The following PINX1 variants were observed in gnomAD, a reference collection of about 807,000 sequenced individuals.
The protein encoded by PINX1 is PIN2 (TERF1) interacting telomerase inhibitor 1.
PINX1 carries 34 observed loss-of-function variants against 25.4 expected under a neutral mutation model. The ratio of observed to expected loss-of-function variants is 1.34; its 90% CI spans 1.02 to 1.78. The LOEUF (loss-of-function observed/expected upper bound fraction) is 1.78. PINX1 is among the 40% of genes most tolerant of loss of function. The pLI is 0.00. For missense variants in PINX1, 592 were observed against 404.9 expected, an observed-to-expected ratio of 1.46 and a Z score of -3.97; for synonymous variants, 197 against 147.7, an observed-to-expected ratio of 1.33 and a Z score of -2.42.
chr8:10,826,505 G>T (rs1348206457), intron 4 of PINX1, among the ~76,000 whole-genome samples: 1 of 152,196 alleles, frequency 6.6e-6, no homozygotes, highest in East Asian at 1.9e-4. Flanking sequence ...AATCCTTGAG[G>T]AAGAAATGGA....
intron 6 of PINX1, among the ~76,000 whole-genome samples, chr8:10,819,483 T>C (rs1485989602): frequency 6.6e-6 from 1 of 152,242 alleles, no homozygotes; most frequent in East Asian, 1.9e-4. Flanking sequence ...TAAATACTTT[T>C]AGCCTGTTAT....
intron 6 of PINX1, among the ~76,000 whole-genome samples, chr8:10,789,599 C>T (rs1469304301): frequency 1.3e-5 from 2 of 152,202 alleles, no homozygotes; most frequent in Admixed American, 6.5e-5. Flanking sequence ...AGAGGAGTAG[C>T]ATTTTAGGAA....
At chr8:10,812,426 C>T (rs138245536) in intron 6 of PINX1, among the ~76,000 whole-genome samples, 2 of 152,282 alleles carry the variant, frequency 1.3e-5, no homozygotes, top group East Asian at 3.9e-4. Flanking sequence ...GGCTTGAATG[C>T]ATTTAGCTGG....
At chr8:10,836,334 T>G (rs1372949880) in intron 1 of PINX1, among the ~76,000 whole-genome samples, 4 of 152,180 alleles carry the variant, frequency 2.6e-5, no homozygotes, top group Non-Finnish European at 4.4e-5. Context: ...CCACTTTACT[T>G]ATCTTGGCAA....
chr8:10,796,216 A>C (rs1441655669), intron 6 of PINX1, among the ~76,000 whole-genome samples: 1 of 152,158 alleles, frequency 6.6e-6, no homozygotes, highest in East Asian at 1.9e-4. Context: ...CTTCCAAGGG[A>C]CTGTGAGCAA....
Position 10,766,014 on chromosome 8 carries a change from CCACACCCGGCGCT to C in PINX1, c.472-111_472-99del, listed in dbSNP as rs1563197754. On this transcript the variant is annotated intron_variant, in intron 6 of 6. Coordinates refer to ENST00000314787, the MANE Select transcript of PINX1 (RefSeq NM_017884.6). ...CACACCCGGCGCTCACACCTGGCAC[CCACACCCGGCGCT>C]CACACCCGGCACCCACACCCGGCAC... 1.1e-5 allele frequency: 13 copies of C among 1,193,662 alleles called. No individual in the cohort carries two copies. The Admixed American group carries it at 1.2e-4, about 11-fold the overall frequency. 73.9% of individuals were successfully genotyped at this position (1,193,662 alleles called of 1,614,324 possible). A position where few individuals can be genotyped will look rare whatever the true frequency, so the allele number is the denominator to read the frequency against.
intron 1 of PINX1, among the ~76,000 whole-genome samples, chr8:10,836,819 C>G (rs548563571): frequency 1.1e-4 from 16 of 152,312 alleles, no homozygotes; most frequent in African/African-American, 3.8e-4. Context: ...CAGAGCAGGC[C>G]TGCCATGCTT....
chr8:10,766,238 T>C (rs984886401), intron 6 of PINX1, among the ~76,000 whole-genome samples: 1 of 152,200 alleles, frequency 6.6e-6, no homozygotes, highest in Non-Finnish European at 1.5e-5. Context: ...TGAGTAAATG[T>C]CTCCCTAGAA....
chr8:10,785,927 G>A (rs148453282), intron 6 of PINX1, among the ~76,000 whole-genome samples: 1 of 152,170 alleles, frequency 6.6e-6, no homozygotes. Flanking sequence ...TCAAATTAAA[G>A]ATGGAAGGAT....
intron 2 of PINX1, among the ~76,000 whole-genome samples, 158 bp from the exon 3 acceptor site, chr8:10,833,142 G>C (rs1798277061): frequency 1.3e-5 from 2 of 152,190 alleles, no homozygotes; most frequent in South Asian, 4.1e-4. Flanking sequence ...AGGACTCTAA[G>C]TCCTCTGCAT....
intron 1 of PINX1, among the ~76,000 whole-genome samples, chr8:10,837,040 G>T (rs1432039507): frequency 6.6e-6 from 1 of 152,208 alleles, no homozygotes; most frequent in East Asian, 1.9e-4. Flanking sequence ...CAGAAGGCCT[G>T]ACTGCTATCC....
intron 5 of PINX1, among the ~76,000 whole-genome samples, chr8:10,824,005 T>C (rs1006326771): frequency 6.6e-6 from 1 of 152,186 alleles, no homozygotes; most frequent in African/African-American, 2.4e-5. Context: ...ATATGAATCA[T>C]CCTCATCAAC....
At chr8:10,831,602 G>C in intron 4 of PINX1, 63 bp downstream of exon 4, 1 of 1,037,706 alleles carries the variant, frequency 9.6e-7, no homozygotes. Flanking sequence ...AATAATAAAA[G>C]CAAAAAACAA....
At chr8:10,795,756 G>A (rs571901338) in intron 6 of PINX1, among the ~76,000 whole-genome samples, 4 of 152,188 alleles carry the variant, frequency 2.6e-5, no homozygotes, top group African/African-American at 9.6e-5. Context: ...TACCTAAATA[G>A]GTAAAGTCAA....
At chr8:10,790,063 C>A (rs541508805) in intron 6 of PINX1, among the ~76,000 whole-genome samples, 1 of 152,270 alleles carries the variant, frequency 6.6e-6, no homozygotes, top group Admixed American at 6.5e-5. Flanking sequence ...ACCCTCATCT[C>A]GACAAGACAC....
At chr8:10,803,248 A>T (rs1179494774) in intron 6 of PINX1, among the ~76,000 whole-genome samples, 1 of 152,232 alleles carries the variant, frequency 6.6e-6, no homozygotes, top group Non-Finnish European at 1.5e-5. Context: ...TTCATCCTGA[A>T]TGCTGCAGTA....
rs960941683 is a variant in PINX1 at position 10,825,283 on chromosome 8, A to C, written c.394+869T>G. 4 of 527,478 alleles carry C rather than the reference A, an allele frequency of 7.6e-6. No homozygotes were observed. The African/African-American group carries it at 7.7e-5, about 10-fold the overall frequency. The allele number at this position is 527,478 out of a possible 1,614,324, so 32.7% of individuals were successfully genotyped here. On this transcript the variant is annotated intron_variant, in intron 5 of 6. Coordinates refer to ENST00000314787, the MANE Select transcript of PINX1 (RefSeq NM_017884.6). The stretch of plus-strand genomic sequence containing the variant: ...CCCTGATACGCATGACATTCCTAGA[A>C]GACCAAAGCAGAGATGTGCTGTTCC...
At chr8:10,829,226 C>T (rs1262628712) in intron 4 of PINX1, among the ~76,000 whole-genome samples, 7 of 136,188 alleles carry the variant, frequency 5.1e-5, no homozygotes, top group Admixed American at 3.2e-4. Context: ...GCGGAGGTTG[C>T]GGTAAGCCAA....
chr8:10,808,578 G>C (rs1304456355), intron 6 of PINX1, among the ~76,000 whole-genome samples: 1 of 152,168 alleles, frequency 6.6e-6, no homozygotes, highest in Non-Finnish European at 1.5e-5. Context: ...CCTGTTTTAA[G>C]ATACAAAAAT....
Sources: gnomAD v4.1 joint callset for allele counts (sites outside exome capture counted in the v4.1 genomes callset) on GRCh38, gnomAD v4.1.1 for gene constraint, MANE v1.5 for transcripts, NCBI Gene and HGNC (gene_info 2026-07-23, HGNC 2026-07-21) for gene names.